Variants in FER observed in about 807,000 individuals in gnomAD.
The protein encoded by FER is FER tyrosine kinase.
Under a neutral mutation model 111.0 loss-of-function variants are expected in FER, and 63 were observed. That is an observed-to-expected ratio of 0.57 (90% CI 0.46 to 0.70). The LOEUF is 0.70. Among genes scored for constraint, FER ranks in the 30% least tolerant of loss-of-function variants. FER has a pLI of 0.00. For missense variants in FER, 914 were observed against 954.0 expected, an observed-to-expected ratio of 0.96 and a Z score of 0.55; for synonymous variants, 327 against 313.9, an observed-to-expected ratio of 1.04 and a Z score of -0.44.
At chr5:109,170,984 C>A (rs560885726) in intron 17 of FER, among the ~76,000 whole-genome samples, 150 of 152,228 alleles carry the variant, frequency 9.9e-4, no homozygotes, top group Middle Eastern at 3.4e-3. Flanking sequence ...ACCCGTGGTT[C>A]CTCCAAATTA....
At chr5:108,785,597 GAA>G in intron 2 of FER, 7 of 373,256 alleles carry the variant, frequency 1.9e-5, no homozygotes, top group South Asian at 2.3e-5. Context: ...GAACAAACTG[GAA>G]AAAAAAAAGT....
chr5:108,835,611 A>G, intron 4 of FER, 97 bp from the exon 5 acceptor site: 1 of 676,262 alleles, frequency 1.5e-6, no homozygotes. Context: ...ACCTGTAAGT[A>G]GTGAAATACA....
At chr5:108,922,317 A>G (rs1238497546) in intron 10 of FER, among the ~76,000 whole-genome samples, 1 of 152,148 alleles carries the variant, frequency 6.6e-6, no homozygotes, top group Non-Finnish European at 1.5e-5. Context: ...TGTTGTGATT[A>G]TTGTCTTTAT....
At chr5:108,998,852 G>A (rs534505910) in intron 13 of FER, among the ~76,000 whole-genome samples, 6 of 152,224 alleles carry the variant, frequency 3.9e-5, no homozygotes, top group South Asian at 4.1e-4. Context: ...GCTGGATTCC[G>A]TTTGCCAATA....
At chr5:108,770,902 T>G (rs1247080609) in intron 2 of FER, among the ~76,000 whole-genome samples, 1 of 151,640 alleles carries the variant, frequency 6.6e-6, no homozygotes, top group East Asian at 1.9e-4. Flanking sequence ...TCTTCTAAAT[T>G]CATCAGTAGT....
At chr5:108,965,784 T>A (rs867247725) in intron 13 of FER, among the ~76,000 whole-genome samples, 1 of 152,182 alleles carries the variant, frequency 6.6e-6, no homozygotes, top group African/African-American at 2.4e-5. Flanking sequence ...AGGATATAAG[T>A]GAACTTAACA....
intron 10 of FER, among the ~76,000 whole-genome samples, chr5:108,935,384 C>G (rs1755315342): frequency 6.6e-6 from 1 of 152,090 alleles, no homozygotes. Context: ...TCTTCCTCTT[C>G]TAAGTCTCTT....
intron 13 of FER, among the ~76,000 whole-genome samples, chr5:108,981,154 T>C (rs1282085888): frequency 1.3e-5 from 2 of 152,112 alleles, no homozygotes; most frequent in African/African-American, 4.8e-5. Context: ...CTGAAGTTTT[T>C]TTTTTAGTTC....
chr5:109,174,581 C>CT (rs1757483622), intron 17 of FER, among the ~76,000 whole-genome samples: 1 of 152,210 alleles, frequency 6.6e-6, no homozygotes, highest in Non-Finnish European at 1.5e-5. Flanking sequence ...GGCAATCCTA[C>CT]TGTCCTTCAT....
intron 17 of FER, among the ~76,000 whole-genome samples, chr5:109,120,521 A>C (rs990753384): frequency 8.5e-5 from 13 of 152,268 alleles, no homozygotes; most frequent in Non-Finnish European, 1.0e-4. Flanking sequence ...TATATTTTAT[A>C]GTCAGGTAAT....
At chr5:109,091,857 G>T (rs1366031504) in intron 16 of FER, among the ~76,000 whole-genome samples, 1 of 152,156 alleles carries the variant, frequency 6.6e-6, no homozygotes, top group Non-Finnish European at 1.5e-5. Flanking sequence ...GGGGCCTTCA[G>T]AGGTGAATAA....
chr5:109,104,172 T>C (rs149137544), intron 17 of FER, among the ~76,000 whole-genome samples: 17 of 152,362 alleles, frequency 1.1e-4, no homozygotes, highest in South Asian at 2.1e-4. Flanking sequence ...TTTTTGTTTA[T>C]CATGGAGTAA....
chr5:109,119,091 T>C (rs200663512), intron 17 of FER, among the ~76,000 whole-genome samples: 6,399 of 152,262 alleles, frequency 0.042, 166 homozygotes, highest in South Asian at 0.084. Flanking sequence ...GTTCTTTTAA[T>C]TGTGATGTTA....
intron 5 of FER, among the ~76,000 whole-genome samples, chr5:108,865,337 A>G (rs935498258): frequency 1.3e-5 from 2 of 152,048 alleles, no homozygotes; most frequent in East Asian, 1.9e-4. Context: ...CTAATTGAAT[A>G]CCCTCTATTT....
chr5:108,982,442 A>G (rs927537524), intron 13 of FER, among the ~76,000 whole-genome samples: 1 of 152,050 alleles, frequency 6.6e-6, no homozygotes, highest in African/African-American at 2.4e-5. Flanking sequence ...TTAAACTTTA[A>G]TCATCTCCAA....
At chr5:109,126,889 T>C (rs1005649121) in intron 17 of FER, among the ~76,000 whole-genome samples, 1 of 151,848 alleles carries the variant, frequency 6.6e-6, no homozygotes. Flanking sequence ...TTCTGAGGAG[T>C]CTACATTTTG....
chr5:108,903,022 TC>T (rs1339210678), intron 10 of FER, among the ~76,000 whole-genome samples: 1 of 152,128 alleles, frequency 6.6e-6, no homozygotes, highest in Non-Finnish European at 1.5e-5. Flanking sequence ...TAATTGGACT[TC>T]GTTTTCCCTT....
intron 5 of FER, among the ~76,000 whole-genome samples, chr5:108,840,307 G>C (rs1328389661): frequency 1.3e-5 from 2 of 152,120 alleles, no homozygotes; most frequent in African/African-American, 4.8e-5. Flanking sequence ...ATACAGGTTG[G>C]TGTAAAAGTA....
chr5:108,942,249 GA>G (rs1296386861), intron 10 of FER, among the ~76,000 whole-genome samples: 1 of 152,044 alleles, frequency 6.6e-6, no homozygotes, highest in Non-Finnish European at 1.5e-5. Context: ...ACAGAATAAA[GA>G]AAGCAAAAAG....
Sources: gnomAD v4.1 joint callset for allele counts (sites outside exome capture counted in the v4.1 genomes callset) on GRCh38, gnomAD v4.1.1 for gene constraint, MANE v1.5 for transcripts, NCBI Gene and HGNC (gene_info 2026-07-23, HGNC 2026-07-21) for gene names.